Variants in RNF213 observed in about 807,000 individuals in gnomAD.
RNF213 encodes the protein ring finger protein 213, also known as E3 ubiquitin-protein ligase RNF213.
A neutral mutation model predicts 514.4 loss-of-function variants in RNF213; 341 were observed. The ratio of observed to expected loss-of-function variants is 0.66; its 90% CI spans 0.61 to 0.73. RNF213 has a LOEUF of 0.73. Ranked by LOEUF, RNF213 falls within the 30% of genes least tolerant of loss-of-function variation. The pLI, the probability that RNF213 is intolerant of heterozygous loss-of-function variation, is 0.00. For missense variants in RNF213, 5,767 were observed against 6,615.6 expected, an observed-to-expected ratio of 0.87 and a Z score of 4.45; for synonymous variants, 2,655 against 2,658.2, an observed-to-expected ratio of 1.00 and a Z score of 0.04.
intron 22 of RNF213, 24 bp from the exon 23 acceptor site, chr17:80,336,137 G>C (rs1286166495): frequency 2.6e-6 from 4 of 1,530,148 alleles, no homozygotes; most frequent in Non-Finnish European, 3.5e-6. Flanking sequence ...GTCCCACGCT[G>C]AACTCCCCTC....
At chr17:80,305,588 A>G (rs1167909454) in intron 11 of RNF213, among the ~76,000 whole-genome samples, 5 of 151,162 alleles carry the variant, frequency 3.3e-5, no homozygotes, top group Admixed American at 2.0e-4. Context: ...TCTGAATTCT[A>G]TATTAAGTTA....
intron 46 of RNF213, 60 bp downstream of exon 46, chr17:80,369,927 G>A (rs768285763): frequency 2.7e-5 from 32 of 1,180,956 alleles, no homozygotes; most frequent in Middle Eastern, 1.9e-4. Context: ...TCATCGCAGC[G>A]TTTTGTTACC....
rs944315514 is a variant in RNF213 at position 80,288,778 on chromosome 17, G to C, written c.933+23G>C. 10 of 1,613,714 alleles carry C rather than the reference G, an allele frequency of 6.2e-6. No individual in the cohort carries two copies. In the African/African-American group the frequency reaches 9.3e-5, roughly 15 times the overall value. On this transcript the variant is annotated intron_variant, in intron 5 of 67. Transcript: ENST00000582970. This position sits in a 1 kb window ranked among gnomAD's most constrained non-coding sequence, Gnocchi z 4.9. The stretch of plus-strand genomic sequence containing the variant: ...CAGGTGCGTCTCCTTCCTGCCTGCC[G>C]GCTCCAGGAGGCCCTCTCCTGCCCA...
chr17:80,383,833 T>G lies in RNF213; in HGVS notation c.14227T>G (p.Cys4743Gly). The G allele has an allele frequency of 6.2e-7, 1 of 1,614,174 alleles. No individual in the cohort carries two copies. Among genetic ancestry groups the G allele is most frequent in the Non-Finnish European group, 8.5e-7 (1 of 1,180,028 alleles). ...SVVHCSKIWS[C>G]RKRITVEYLQ... is the part of the protein sequence containing the mutation. Reference sequence around the variant, plus strand: ...GGTCCATTGCTCTAAGATTTGGAGCTGCAGGAAAAGAATTACAGTTGAGTA... The same window carrying G: ...GGTCCATTGCTCTAAGATTTGGAGCGGCAGGAAAAGAATTACAGTTGAGTA... The change falls in exon 59 of 68, where the codon TGC becomes GGC. Residue 4743 changes from cysteine (C) to glycine (G), a missense_variant. Physicochemically the swap from Cys to Gly is radical, Grantham distance 159. Transcript: ENST00000582970.
intron 10 of RNF213, among the ~76,000 whole-genome samples, chr17:80,297,395 A>G (rs1169384904): frequency 6.7e-6 from 1 of 149,852 alleles, no homozygotes; most frequent in Non-Finnish European, 1.5e-5. Flanking sequence ...GGTTGCAGTG[A>G]GCCGAGATTG....
rs2078266444 is a variant in RNF213 at position 80,345,107 on chromosome 17, A to G, written c.6772A>G (p.Met2258Val). The change falls in exon 29 of 68, where the codon ATG (methionine) becomes GTG (valine). Residue 2258 changes from methionine to valine, a missense_variant. Met to Val is a conservative substitution (Grantham distance 21). Around this residue, in one of 13 missense-constraint regions of RNF213, gnomAD observed 1,377 missense variants for 1,635.2 expected, o/e 0.84. Transcript: ENST00000582970. The surrounding 1 kb of genome is among the most constrained non-coding windows in gnomAD (Gnocchi z 6.0). The stretch of plus-strand genomic sequence containing the variant: ...GTTCGTGGTGACCTTCATGATCTTT[A>G]TGGCAAGAGATTTTGCCACACCATC... ...KKFVVTFMIF[M>V]ARDFATPSLH... 1 of 1,614,070 alleles carries G rather than the reference A, an allele frequency of 6.2e-7. No individual in the cohort carries two copies.
intron 31 of RNF213, 139 bp from the exon 32 acceptor site, chr17:80,351,546 G>A (rs529778499): frequency 1.0e-4 from 63 of 615,404 alleles, no homozygotes; most frequent in Non-Finnish European, 1.6e-4. Context: ...AAAACTCATC[G>A]GAACGGGTGG....
At chr17:80,393,256 C>G in intron 67 of RNF213, 89 bp from the exon 68 acceptor site, 11 of 1,095,104 alleles carry the variant, frequency 1.0e-5, no homozygotes, top group Non-Finnish European at 1.4e-5. Context: ...GCTGGGCTTA[C>G]ACACGTGAGC....
intron 26 of RNF213, 39 bp downstream of exon 26, chr17:80,340,395 G>A (rs759475828): frequency 2.4e-5 from 37 of 1,540,406 alleles, no homozygotes; most frequent in African/African-American, 5.5e-5. Context: ...CCGTCTCCCA[G>A]GGACTGCCCG....
chr17:80,353,262 T>C lies in RNF213; in HGVS notation c.10423+203T>C. ...CAGGTGCGCTTACCACAGGCTGAGG[T>C]AGAGCTCTGTGAGCAGGCCAGCCAT... On this transcript the variant is annotated intron_variant, in intron 33 of 67. Coordinates refer to ENST00000582970, the MANE Select transcript of RNF213 (RefSeq NM_001256071.3). This position sits in a 1 kb window ranked among gnomAD's most constrained non-coding sequence, Gnocchi z 5.0. 1 of 812,014 alleles carries C rather than the reference T, an allele frequency of 1.2e-6. No individual in the cohort carries two copies. The highest frequency in any genetic ancestry group is 2.0e-6 in the Non-Finnish European group (1 of 503,910). 50.3% of individuals were successfully genotyped at this position (812,014 alleles called of 1,614,324 possible). A position where few individuals can be genotyped will look rare whatever the true frequency, so the allele number is the denominator to read the frequency against.
intron 57 of RNF213, chr17:80,382,067 A>C (rs2080030141): frequency 2.9e-6 from 1 of 344,762 alleles, no homozygotes; most frequent in Non-Finnish European, 5.6e-6. Context: ...TCAGCCCCGT[A>C]GGTCATTCCC....
intron 57 of RNF213, 65 bp downstream of exon 57, chr17:80,381,792 T>G (rs1289752853): frequency 1.4e-6 from 2 of 1,473,750 alleles, no homozygotes; most frequent in Non-Finnish European, 1.9e-6. Context: ...GCAGGCTCGC[T>G]GTCTTGTGGG....
In RNF213 at chr17:80,354,029, T is replaced by C. The variant is rs1391342926; in HGVS notation, c.10589T>C (p.Leu3530Pro). 1 of 1,613,876 alleles carries C rather than the reference T, an allele frequency of 6.2e-7. No individual in the cohort carries two copies. Among genetic ancestry groups the C allele is most frequent in the Non-Finnish European group, 8.5e-7 (1 of 1,180,024 alleles). ...CGTCTCCACCAACAGGTGTCGATCC[T>C]GGACACCACCAGGCTGCTGAGAAGC... The part of the protein sequence containing the change: ...SELGGSDVSI[L>P]DTTRLLRSCV... Residue 3530 changes from leucine to proline, a missense_variant, in exon 35 of 68, where the codon CTG (leucine) becomes CCG (proline). Leu to Pro is a moderately conservative substitution (Grantham distance 98, BLOSUM62 -3). Coordinates refer to ENST00000582970, the MANE Select transcript of RNF213 (RefSeq NM_001256071.3).
At chr17:80,368,232 C>CCTT in intron 44 of RNF213, 89 bp downstream of exon 44, 1 of 1,427,120 alleles carries the variant, frequency 7.0e-7, no homozygotes, top group Non-Finnish European at 9.9e-7. Flanking sequence ...ACTCTATTAA[C>CCTT]CTTCATTTGG....
At chr17:80,293,811 A>G (rs1473881595) in intron 8 of RNF213, among the ~76,000 whole-genome samples, 2 of 151,804 alleles carry the variant, frequency 1.3e-5, no homozygotes, top group East Asian at 3.9e-4. Context: ...TGGGCGACAG[A>G]GGGAGACTCA....
At chr17:80,386,514 C>G (rs574812487) in intron 62 of RNF213, 84 bp downstream of exon 62, 2 of 1,508,212 alleles carry the variant, frequency 1.3e-6, no homozygotes, top group South Asian at 2.3e-5. Context: ...CAAGCTTCAG[C>G]CCCTTCCCTA....
chr17:80,347,351 G>A lies in RNF213; in HGVS notation c.9016G>A (p.Ala3006Thr), dbSNP rs115867721. The part of the protein sequence containing the change: ...LDIFLANLPE[A>T]KCSEEVSPMQ... ...CATCTTTCTGGCCAATTTGCCCGAG[G>A]CCAAGTGCTCAGAGGAAGTCAGCCC... Residue 3006 changes from alanine to threonine, a missense_variant, in exon 29 of 68, where the codon GCC (alanine) becomes ACC (threonine). Coordinates refer to ENST00000582970, the MANE Select transcript of RNF213 (RefSeq NM_001256071.3). This position sits in a 1 kb window ranked among gnomAD's most constrained non-coding sequence, Gnocchi z 7.2. The A allele has an allele frequency of 7.0e-4, 1,136 of 1,613,906 alleles. 12 individuals are homozygous for A. The African/African-American group carries it at 0.014, about 20-fold the overall frequency.
In RNF213 at chr17:80,345,855, T is replaced by C; in HGVS notation, c.7520T>C (p.Val2507Ala). 1 of 1,614,122 alleles carries C rather than the reference T, an allele frequency of 6.2e-7. No homozygotes were observed. Among genetic ancestry groups the C allele is most frequent in the Non-Finnish European group, 8.5e-7 (1 of 1,180,038 alleles). ...AAAGAAGTCCTGTGTGATCATATGG[T>C]GGATGGCCAGCCTCTGGCTGAGGAC... Reference protein sequence around the residue: ...CIKEVLCDHMVDGQPLAEDSG... With the variant: ...CIKEVLCDHMADGQPLAEDSG... Residue 2507 changes from valine to alanine, a missense_variant, in exon 29 of 68, where the codon GTG becomes GCG. Transcript: ENST00000582970. This position sits in a 1 kb window ranked among gnomAD's most constrained non-coding sequence, Gnocchi z 6.0.
Position 80,376,514 on chromosome 17 carries a change from A to G in RNF213, c.13399A>G (p.Asn4467Asp), listed in dbSNP as rs2079766627. The part of the protein sequence containing the change: ...GQNELLEPLK[N>D]LAFSPATMAH... ...GAATGAACTCTTGGAGCCCCTAAAG[A>G]ATCTGGCCTTCTCCCCAGCCACCAT... The change falls in exon 52 of 68, where the codon AAT becomes GAT. Residue 4467 changes from asparagine to aspartate, a missense_variant. Physicochemically the swap from Asn to Asp is conservative, Grantham distance 23 (BLOSUM62 1). Coordinates refer to ENST00000582970, the MANE Select transcript of RNF213 (RefSeq NM_001256071.3). 2 of 1,614,114 alleles carry G rather than the reference A, an allele frequency of 1.2e-6. No homozygotes were observed. Among genetic ancestry groups the G allele is most frequent in the East Asian group, 2.2e-5 (1 of 44,884 alleles).
Sources: gnomAD v4.1 joint callset for allele counts (sites outside exome capture counted in the v4.1 genomes callset) on GRCh38, gnomAD v4.1.1 for gene constraint, gnomAD v4.1.1 regional missense constraint, Gnocchi (gnomAD v3.1) non-coding constraint, MANE v1.5 for transcripts, NCBI Gene and HGNC (gene_info 2026-07-23, HGNC 2026-07-21) for gene names.